Variants in ASPH observed in about 807,000 individuals in gnomAD.
ASPH encodes the protein aspartate beta-hydroxylase.
A neutral mutation model predicts 118.4 loss-of-function variants in ASPH; 100 were observed. The observed-to-expected ratio is 0.84, with a 90% CI of 0.72 to 1.00. The LOEUF (loss-of-function observed/expected upper bound fraction) is 1.00. Among genes scored for constraint, ASPH ranks in the 50% least tolerant of loss-of-function variants. ASPH has a pLI of 0.00. For synonymous variants in ASPH, 315 were observed against 325.6 expected (o/e 0.97, Z 0.35); for missense variants, 920 against 919.5 (o/e 1.00, Z -0.01).
intron 21 of ASPH, among the ~76,000 whole-genome samples, chr8:61,539,738 G>GTGTC (rs1554618518): frequency 1.4e-5 from 2 of 144,136 alleles, no homozygotes; most frequent in African/African-American, 5.3e-5. Context: ...GTGTGTGTGT[G>GTGTC]TGTCTGTCCC....
intron 18 of ASPH, among the ~76,000 whole-genome samples, chr8:61,559,101 T>A (rs545794557): frequency 6.6e-6 from 1 of 152,344 alleles, no homozygotes; most frequent in African/African-American, 2.4e-5. Flanking sequence ...TGAGATATTT[T>A]GATACAGGCA....
chr8:61,684,216 T>A (rs1829504631), intron 1 of ASPH, 28 bp from the exon 2 acceptor site: 1 of 1,587,548 alleles, frequency 6.3e-7, no homozygotes, highest in Non-Finnish European at 8.6e-7. Context: ...TAAGATATCA[T>A]AAGAAGAAAA....
At chr8:61,632,570 C>G in intron 13 of ASPH, 1 of 426,592 alleles carries the variant, frequency 2.3e-6, no homozygotes, top group Admixed American at 2.6e-5. Flanking sequence ...TACACACTGC[C>G]TAGTAGTCAT....
At chr8:61,610,781 T>C (rs1847074154) in intron 14 of ASPH, among the ~76,000 whole-genome samples, 1 of 152,218 alleles carries the variant, frequency 6.6e-6, no homozygotes, top group Non-Finnish European at 1.5e-5. Context: ...GGCAGGCTGT[T>C]GTCAATGAGG....
intron 23 of ASPH, 86 bp from the exon 24 acceptor site, chr8:61,517,747 T>C: frequency 6.7e-7 from 1 of 1,493,036 alleles, no homozygotes; most frequent in Non-Finnish European, 9.2e-7. Context: ...AAAATTACTG[T>C]CAGTTTGGAT....
rs1397154411 is a variant in ASPH, at chr8:61,501,871, T to C, written c.*1488A>G. 2 of 152,216 alleles carry C rather than the reference T, an allele frequency of 1.3e-5. No homozygotes were observed. The highest frequency in any genetic ancestry group is 1.9e-4 in the East Asian group (1 of 5,200). 9.4% of individuals were successfully genotyped at this position (152,216 alleles called of 1,614,324 possible). Reference sequence around the variant, plus strand: ...AAATGAGATAAAGAAAGTCTCCTTTTGTTTTTAGATGGAAAAGAAAGCACA... The same window carrying C: ...AAATGAGATAAAGAAAGTCTCCTTTCGTTTTTAGATGGAAAAGAAAGCACA... On this transcript the variant is annotated 3_prime_UTR_variant, in exon 25 of 25. Transcript: ENST00000379454.
chr8:61,512,264 A>G (rs951066653), intron 24 of ASPH, among the ~76,000 whole-genome samples: 1 of 152,182 alleles, frequency 6.6e-6, no homozygotes, highest in Non-Finnish European at 1.5e-5. Context: ...CTGATTTGGA[A>G]AAAAGATCTT....
At position 61,644,647 on chromosome 8, in the gene ASPH, A is replaced by G; in HGVS notation, c.620-15T>C. ...ATGCTCGGTTTCTGGAAAAAAAAAA[A>G]TTAGATTGATATTTACTGCTTTTAC... On this transcript the variant is annotated splice_polypyrimidine_tract_variant and intron_variant, in intron 6 of 24. Transcript: ENST00000379454. 1 of 1,577,514 alleles carries G rather than the reference A, an allele frequency of 6.3e-7. No homozygotes were observed. The highest frequency in any genetic ancestry group is 8.6e-7 in the Non-Finnish European group (1 of 1,158,804).
intron 20 of ASPH, among the ~76,000 whole-genome samples, chr8:61,550,442 T>TACACACACACACACACAC (rs34577657): frequency 0.042 from 6,252 of 147,562 alleles, 172 homozygotes; most frequent in Non-Finnish European, 0.063. Flanking sequence ...CACATGTACA[T>TACACACACACACACACAC]ACACACACAC....
intron 24 of ASPH, among the ~76,000 whole-genome samples, chr8:61,513,911 A>G (rs535375397): frequency 6.6e-6 from 1 of 152,208 alleles, no homozygotes; most frequent in Admixed American, 6.5e-5. Flanking sequence ...CATGGACACA[A>G]GGTGTTTGCT....
chr8:61,516,059 C>G (rs1810787843), intron 24 of ASPH, among the ~76,000 whole-genome samples: 1 of 152,198 alleles, frequency 6.6e-6, no homozygotes, highest in Admixed American at 6.5e-5. Context: ...ACTTTGCAAC[C>G]TTATTCTTTA....
At chr8:61,627,889 T>C (rs1853635577) in intron 13 of ASPH, among the ~76,000 whole-genome samples, 1 of 152,162 alleles carries the variant, frequency 6.6e-6, no homozygotes, top group African/African-American at 2.4e-5. Context: ...CATTCTGCCA[T>C]TCATTCACAA....
intron 3 of ASPH, among the ~76,000 whole-genome samples, chr8:61,668,041 A>G (rs1820581889): frequency 6.6e-6 from 1 of 152,234 alleles, no homozygotes; most frequent in Non-Finnish European, 1.5e-5. Context: ...ATGACTTAAA[A>G]TTATAGGCTT....
rs145938695 is a variant in ASPH at position 61,624,394 on chromosome 8, G to A, written c.935-5375C>T. On this transcript the variant is annotated intron_variant, in intron 13 of 24. Coordinates refer to ENST00000379454, the MANE Select transcript of ASPH (RefSeq NM_004318.4). ...AATAAGCATTATCTGTTAGAAATAC[G>A]TTAACTGGCTGAAGGTATTCCTTTG... The A allele has an allele frequency of 1.0e-3, 1,022 of 985,272 alleles. 36 individuals are homozygous for A. The highest frequency in any genetic ancestry group is 8.0e-4 in the South Asian group (17 of 21,284). The allele number at this position is 985,272 out of a possible 1,614,324, so 61.0% of individuals were successfully genotyped here.
Position 61,579,081 on chromosome 8 carries a change from G to A in ASPH, c.1063-2223C>T, listed in dbSNP as rs545077103. ...GAGCATGTACCAGATCAAGTATGAG[G>A]AGCTGCAGAGTCTGGCTGGGAAGCA... On this transcript the variant is annotated intron_variant, in intron 15 of 24. Transcript: ENST00000379454. The A allele has an allele frequency of 7.8e-5, 126 of 1,609,364 alleles. 1 individual carries two copies. In the South Asian group the frequency reaches 1.3e-3, roughly 17 times the overall value.
At chr8:61,603,855 C>G (rs1357999584) in intron 14 of ASPH, among the ~76,000 whole-genome samples, 2 of 152,104 alleles carry the variant, frequency 1.3e-5, no homozygotes, top group African/African-American at 4.8e-5. Context: ...ATTGGAAAAA[C>G]AAGGAAAGAA....
At chr8:61,643,263 A>T in intron 9 of ASPH, 123 bp downstream of exon 9, 8 of 907,486 alleles carry the variant, frequency 8.8e-6, no homozygotes, top group Non-Finnish European at 1.3e-5. Flanking sequence ...ACAAAATCTC[A>T]TGCATTAGAT....
chr8:61,634,278 C>T (rs1326331261), intron 12 of ASPH, among the ~76,000 whole-genome samples: 1 of 152,180 alleles, frequency 6.6e-6, no homozygotes, highest in Non-Finnish European at 1.5e-5. Context: ...ACATAGTGAT[C>T]TGATTTGCTC....
intron 3 of ASPH, chr8:61,656,675 T>C (rs1407441788): frequency 6.6e-6 from 1 of 152,214 alleles, no homozygotes; most frequent in Non-Finnish European, 1.5e-5. Context: ...TTGGTTTTAG[T>C]TCTTTAGGTT....
Sources: allele counts gnomAD v4.1 joint callset (sites outside exome capture counted in the v4.1 genomes callset), GRCh38; gene constraint gnomAD v4.1.1; transcripts MANE v1.5; gene names NCBI Gene and HGNC (gene_info 2026-07-23, HGNC 2026-07-21).